ELAPOR1: variants seen among roughly 807,000 people sequenced by gnomAD.
ELAPOR1 encodes endosome/lysosome-associated apoptosis and autophagy regulator 1.
ELAPOR1 carries 77 observed loss-of-function variants against 119.7 expected under a neutral mutation model. That is an observed-to-expected ratio of 0.64 (90% CI 0.54 to 0.78). ELAPOR1 has a LOEUF of 0.78. ELAPOR1 is among the 30% of genes least tolerant of loss of function. The pLI, the probability that ELAPOR1 is intolerant of heterozygous loss-of-function variation, is 0.00. For synonymous variants in ELAPOR1, 481 were observed against 487.2 expected, an observed-to-expected ratio of 0.99 and a Z score of 0.17; for missense variants, 1,115 against 1,270.4, an observed-to-expected ratio of 0.88 and a Z score of 1.86.
chr1:109,136,771 G>A (rs993804223), intron 1 of ELAPOR1, among the ~76,000 whole-genome samples: 4 of 152,180 alleles, frequency 2.6e-5, no homozygotes, highest in South Asian at 2.1e-4. Flanking sequence ...GCCTCTGACC[G>A]TGTGTCCATC....
intron 1 of ELAPOR1, among the ~76,000 whole-genome samples, chr1:109,144,593 T>A (rs1412117918): frequency 6.6e-6 from 1 of 151,962 alleles, no homozygotes; most frequent in Non-Finnish European, 1.5e-5. Context: ...ATACAAAAAA[T>A]TAGCCGGGTG....
intron 1 of ELAPOR1, among the ~76,000 whole-genome samples, chr1:109,132,603 C>A (rs1649217068): frequency 6.6e-6 from 1 of 152,152 alleles, no homozygotes; most frequent in Admixed American, 6.6e-5. Context: ...GCCAAAAGTT[C>A]AGGGAACTCT....
intron 1 of ELAPOR1, among the ~76,000 whole-genome samples, chr1:109,135,275 G>A (rs995787211): frequency 6.6e-6 from 1 of 151,798 alleles, no homozygotes; most frequent in Non-Finnish European, 1.5e-5. Flanking sequence ...ATGGAGTCTC[G>A]CTCTGTCCCC....
intron 15 of ELAPOR1, among the ~76,000 whole-genome samples, chr1:109,196,023 G>C (rs1338003475): frequency 6.6e-6 from 1 of 152,140 alleles, no homozygotes; most frequent in Non-Finnish European, 1.5e-5. Context: ...CGGCATGGTG[G>C]CACACATCTG....
chr1:109,188,364 T>G lies in ELAPOR1; in HGVS notation c.1219+10T>G. 6.2e-7 allele frequency: 1 copy of G among 1,604,292 alleles called. No homozygotes were observed. Among genetic ancestry groups the G allele is most frequent in the East Asian group, 2.2e-5 (1 of 44,626 alleles). On this transcript the variant is annotated intron_variant, in intron 9 of 21. Transcript: ENST00000369939. ...TACTCCAATGGCTCAGGTAACCTCCTCACCACCCCACTCTCTGCAGCACAT... is the reference window on the plus strand; with the variant it reads ...TACTCCAATGGCTCAGGTAACCTCCGCACCACCCCACTCTCTGCAGCACAT...
chr1:109,126,981 A>G (rs1484299982), intron 1 of ELAPOR1, among the ~76,000 whole-genome samples: 1 of 152,100 alleles, frequency 6.6e-6, no homozygotes, highest in Non-Finnish European at 1.5e-5. Flanking sequence ...GAATTCTGCC[A>G]AATTTTTTGA....
chr1:109,137,443 A>T (rs1160982940), intron 1 of ELAPOR1, among the ~76,000 whole-genome samples: 1 of 152,052 alleles, frequency 6.6e-6, no homozygotes, highest in African/African-American at 2.4e-5. Flanking sequence ...ACCTCAAGTG[A>T]TCTGCCCGCC....
chr1:109,132,398 G>A (rs1166476473), intron 1 of ELAPOR1, among the ~76,000 whole-genome samples: 3 of 152,066 alleles, frequency 2.0e-5, no homozygotes, highest in South Asian at 2.1e-4. Context: ...TGCCCACCTC[G>A]GCCTCCCAAA....
At chr1:109,156,933 TCC>T (rs1650913122) in intron 1 of ELAPOR1, among the ~76,000 whole-genome samples, 1 of 152,112 alleles carries the variant, frequency 6.6e-6, no homozygotes, top group South Asian at 2.1e-4. Flanking sequence ...CAATAGTTCC[TCC>T]CAGAGAGGTG....
intron 1 of ELAPOR1, among the ~76,000 whole-genome samples, chr1:109,120,722 T>C (rs1172109748): frequency 6.6e-6 from 1 of 152,158 alleles, no homozygotes; most frequent in African/African-American, 2.4e-5. Context: ...TCTTCAGAGC[T>C]CTTGGGGGTC....
chr1:109,146,867 G>C (rs1234946985), intron 1 of ELAPOR1, among the ~76,000 whole-genome samples: 1 of 151,718 alleles, frequency 6.6e-6, no homozygotes, highest in African/African-American at 2.4e-5. Context: ...AGCCTCTCAG[G>C]TAGCTGGGAC....
intron 1 of ELAPOR1, among the ~76,000 whole-genome samples, chr1:109,120,168 C>A (rs1408110368): frequency 6.6e-6 from 1 of 152,134 alleles, no homozygotes; most frequent in African/African-American, 2.4e-5. Context: ...GAGGCCGAGG[C>A]AGGCTGATCG....
At chr1:109,125,386 TTTTG>T (rs1259495075) in intron 1 of ELAPOR1, among the ~76,000 whole-genome samples, 1 of 55,282 alleles carries the variant, frequency 1.8e-5, no homozygotes, top group South Asian at 5.5e-4. Flanking sequence ...AGTCTGTTTT[TTTTG>T]TTTTGTTTTG....
chr1:109,189,300 C>CATGT, intron 10 of ELAPOR1, 106 bp downstream of exon 10: 1 of 1,370,922 alleles, frequency 7.3e-7, no homozygotes, highest in East Asian at 2.5e-5. Context: ...AATAAGCTAA[C>CATGT]CATGTCATGC....
Position 109,173,078 on chromosome 1 carries a change from C to G in ELAPOR1, c.697-396C>G, listed in dbSNP as rs1570682154. Among the ~76,000 whole-genome samples, 3 of 100,508 alleles carry G rather than the reference C, an allele frequency of 3.0e-5. No individual in the cohort carries two copies. The South Asian group carries it at 1.1e-3, about 36-fold the overall frequency. The allele number at this position is 100,508 out of a possible 152,430, so 65.9% of individuals were successfully genotyped here. A position where few individuals can be genotyped will look rare whatever the true frequency, so the allele number is the denominator to read the frequency against. ...AGCCATTGCACTCCAGCCTGGGCAA[C>G]AAAAGCGAAACTCTGTCTCAAAAAA... On this transcript the variant is annotated intron_variant, in intron 5 of 21. Transcript: ENST00000369939.
At chr1:109,116,495 T>C (rs6657226) in intron 1 of ELAPOR1, among the ~76,000 whole-genome samples, 19 of 152,188 alleles carry the variant, frequency 1.2e-4, no homozygotes, top group Admixed American at 1.2e-3. Flanking sequence ...CGTCAGCAAG[T>C]CCTGTTTACA....
chr1:109,198,744 G>T, intron 18 of ELAPOR1, 70 bp downstream of exon 18: 2 of 1,382,238 alleles, frequency 1.4e-6, no homozygotes, highest in South Asian at 1.2e-5. Context: ...GAGATCCAGA[G>T]ATTACTGAAA....
intron 7 of ELAPOR1, among the ~76,000 whole-genome samples, chr1:109,180,344 A>T (rs559803734): frequency 5.3e-5 from 8 of 152,256 alleles, no homozygotes; most frequent in Admixed American, 5.2e-4. Context: ...TTCTTTGTCT[A>T]TAAAATGGGA....
chr1:109,130,745 T>A (rs1287042596), intron 1 of ELAPOR1, among the ~76,000 whole-genome samples: 3 of 152,220 alleles, frequency 2.0e-5, no homozygotes, highest in Admixed American at 6.5e-5. Context: ...TTAAAAACTA[T>A]AATCTTTTTC....
Sources: allele counts gnomAD v4.1 joint callset (sites outside exome capture counted in the v4.1 genomes callset), GRCh38; gene constraint gnomAD v4.1.1; transcripts MANE v1.5; gene names NCBI Gene and HGNC (gene_info 2026-07-23, HGNC 2026-07-21).